TRAPPC9: variants seen among roughly 807,000 people sequenced by gnomAD.
TRAPPC9 encodes the protein IKK2 binding protein.
Under a neutral mutation model 124.0 loss-of-function variants are expected in TRAPPC9, and 83 were observed. The ratio of observed to expected loss-of-function variants is 0.67; its 90% CI spans 0.56 to 0.80. The LOEUF (loss-of-function observed/expected upper bound fraction) is 0.80, where lower values mean the gene tolerates loss of function less well. TRAPPC9 is among the 30% of genes least tolerant of loss of function. TRAPPC9 has a pLI of 0.00. For synonymous variants in TRAPPC9, 638 were observed against 617.5 expected, an observed-to-expected ratio of 1.03 and a Z score of -0.49; for missense variants, 1,302 against 1,508.3, an observed-to-expected ratio of 0.86 and a Z score of 2.27.
At chr8:140,351,810 T>C (rs921088723) in intron 9 of TRAPPC9, among the ~76,000 whole-genome samples, 3 of 152,182 alleles carry the variant, frequency 2.0e-5, no homozygotes, top group Admixed American at 1.3e-4. Context: ...GACCACATGA[T>C]CTGGTTCTAG....
intron 7 of TRAPPC9, among the ~76,000 whole-genome samples, chr8:140,371,445 C>T (rs1235684741): frequency 1.3e-5 from 2 of 152,172 alleles, no homozygotes; most frequent in Non-Finnish European, 2.9e-5. Flanking sequence ...AATCTGAGAC[C>T]TCTACTTTAA....
chr8:139,775,027 C>T (rs1821263967), intron 21 of TRAPPC9, among the ~76,000 whole-genome samples: 1 of 152,174 alleles, frequency 6.6e-6, no homozygotes. Context: ...ACTAAGGGGT[C>T]CAAAGGGGCT....
chr8:140,402,233 G>A (rs973580830), intron 6 of TRAPPC9, among the ~76,000 whole-genome samples: 4 of 151,624 alleles, frequency 2.6e-5, no homozygotes, highest in Non-Finnish European at 4.4e-5. Flanking sequence ...AGCCAGGTGC[G>A]GTGGGATGCA....
intron 21 of TRAPPC9, among the ~76,000 whole-genome samples, chr8:139,796,049 G>A (rs528742022): frequency 2.4e-4 from 34 of 143,460 alleles, no homozygotes; most frequent in Non-Finnish European, 4.8e-4. Flanking sequence ...AGAGGAGAAG[G>A]AGGAGGAAGA....
At chr8:140,047,044 C>G (rs897821817) in intron 17 of TRAPPC9, among the ~76,000 whole-genome samples, 1 of 152,232 alleles carries the variant, frequency 6.6e-6, no homozygotes. Flanking sequence ...CTGTGACCAG[C>G]TGTCTGTGAG....
At chr8:140,226,310 G>C (rs1237892538) in intron 16 of TRAPPC9, among the ~76,000 whole-genome samples, 1 of 152,134 alleles carries the variant, frequency 6.6e-6, no homozygotes, top group African/African-American at 2.4e-5. Context: ...ATCCAGCTAT[G>C]GGCCAGCGTG....
At chr8:140,001,171 G>T (rs1838370135) in intron 18 of TRAPPC9, among the ~76,000 whole-genome samples, 1 of 152,162 alleles carries the variant, frequency 6.6e-6, no homozygotes, top group Non-Finnish European at 1.5e-5. Context: ...TCATAGGTGG[G>T]AGTTGAACAA....
At chr8:139,971,816 T>TACAC (rs761189260) in intron 19 of TRAPPC9, among the ~76,000 whole-genome samples, 18 of 145,760 alleles carry the variant, frequency 1.2e-4, no homozygotes, top group Non-Finnish European at 1.8e-4. Flanking sequence ...TATATATATA[T>TACAC]ACACACACAC....
At chr8:140,018,327 T>TTTTCTTTTTTTTC (rs1425629934) in intron 18 of TRAPPC9, among the ~76,000 whole-genome samples, 1 of 108,364 alleles carries the variant, frequency 9.2e-6, no homozygotes, top group Non-Finnish European at 2.2e-5. Flanking sequence ...GTAAGTGATT[T>TTTTCTTTTTTTTC]TTTTTTTTTT....
chr8:139,736,161 C>G (rs1469933213), intron 21 of TRAPPC9, among the ~76,000 whole-genome samples: 2 of 152,220 alleles, frequency 1.3e-5, no homozygotes, highest in African/African-American at 4.8e-5. Context: ...GCCACAGGCT[C>G]TCCTGTGTGG....
intron 22 of TRAPPC9, 44 bp downstream of exon 22, chr8:139,731,935 A>G (rs928133856): frequency 1.0e-5 from 16 of 1,532,360 alleles, no homozygotes; most frequent in Non-Finnish European, 1.4e-5. Context: ...GATGATGACC[A>G]CATGGCCAGA....
rs150988975 is a variant in TRAPPC9, at chr8:140,256,127, T to C, written c.2279-3198A>G. Among the ~76,000 whole-genome samples the C allele has an allele frequency of 4.0e-3, 612 of 152,342 alleles. 6 individuals carry two copies. Among genetic ancestry groups the C allele is most frequent in the South Asian group, 6.8e-3 (33 of 4,828 alleles). ...AAAGGGTACAAAACACTGGTCGCTT[T>C]GGTATTTCATGATGACAACAGGCTA... On this transcript the variant is annotated intron_variant, in intron 15 of 22. Coordinates refer to ENST00000438773, the MANE Select transcript of TRAPPC9 (RefSeq NM_001160372.4).
chr8:139,922,869 T>C (rs1027724626), intron 19 of TRAPPC9, among the ~76,000 whole-genome samples: 1 of 152,158 alleles, frequency 6.6e-6, no homozygotes, highest in African/African-American at 2.4e-5. Context: ...AGGGAAAGAA[T>C]GAGGAACCTC....
intron 17 of TRAPPC9, among the ~76,000 whole-genome samples, chr8:140,044,627 G>A (rs1022138179): frequency 3.3e-5 from 5 of 152,260 alleles, no homozygotes; most frequent in African/African-American, 9.6e-5. Flanking sequence ...AGTGGAGGAG[G>A]TGGGTAAATG....
chr8:140,407,346 G>T (rs544977379), intron 5 of TRAPPC9, among the ~76,000 whole-genome samples: 14 of 147,722 alleles, frequency 9.5e-5, no homozygotes, highest in East Asian at 6.3e-4. Context: ...AAGGAGTCTT[G>T]ATTTATTTCA....
intron 7 of TRAPPC9, among the ~76,000 whole-genome samples, chr8:140,390,070 G>A (rs1415039067): frequency 6.6e-6 from 1 of 152,106 alleles, no homozygotes; most frequent in South Asian, 2.1e-4. Flanking sequence ...TTGGGAGGCC[G>A]AGGCAGGTGG....
chr8:139,915,663 A>AGAACAGGAGGGCTTCTGCGGG (rs1832077135), intron 19 of TRAPPC9, among the ~76,000 whole-genome samples: 2 of 152,368 alleles, frequency 1.3e-5, no homozygotes, highest in African/African-American at 4.8e-5. Flanking sequence ...GATTCTCTGC[A>AGAACAGGAGGGCTTCTGCGGG]GAACAGGAGG....
chr8:139,889,333 C>T (rs1289284721), intron 20 of TRAPPC9, among the ~76,000 whole-genome samples: 1 of 152,050 alleles, frequency 6.6e-6, no homozygotes, highest in Non-Finnish European at 1.5e-5. Context: ...GTGGCCTAAC[C>T]ACGGAGCTGA....
intron 7 of TRAPPC9, among the ~76,000 whole-genome samples, chr8:140,390,076 G>A (rs949188350): frequency 1.3e-5 from 2 of 152,176 alleles, no homozygotes; most frequent in Non-Finnish European, 2.9e-5. Context: ...GGCCGAGGCA[G>A]GTGGATCATT....
Sources: gnomAD v4.1 joint callset for allele counts (sites outside exome capture counted in the v4.1 genomes callset) on GRCh38, gnomAD v4.1.1 for gene constraint, MANE v1.5 for transcripts, NCBI Gene and HGNC (gene_info 2026-07-23, HGNC 2026-07-21) for gene names.